The following CSMD2 variants were observed in gnomAD, a reference collection of about 807,000 sequenced individuals.
CSMD2 encodes CUB and sushi domain-containing protein 2.
In CSMD2, 130 loss-of-function variants were observed where a neutral mutation model predicts 398.5. The observed-to-expected ratio is 0.33, with a 90% CI of 0.28 to 0.38. CSMD2 has a LOEUF of 0.38. Among genes scored for constraint, CSMD2 ranks in the 10% least tolerant of loss-of-function variants. The pLI is 1.00. For missense variants in CSMD2, 3,829 were observed against 4,764.9 expected, an observed-to-expected ratio of 0.80 and a Z score of 5.78; for synonymous variants, 1,828 against 1,908.5, an observed-to-expected ratio of 0.96 and a Z score of 1.10.
intron 5 of CSMD2, among the ~76,000 whole-genome samples, chr1:33,886,754 A>G (rs1437555525): frequency 6.6e-6 from 1 of 152,376 alleles, no homozygotes; most frequent in African/African-American, 2.4e-5. Context: ...GCTAAGGGAC[A>G]GAAGTCATTC....
chr1:33,554,470 C>T (rs557458691), intron 55 of CSMD2, among the ~76,000 whole-genome samples: 22 of 152,108 alleles, frequency 1.4e-4, no homozygotes, highest in Non-Finnish European at 2.2e-4. Flanking sequence ...TGGGATTACA[C>T]GCATGAGCCA....
At chr1:33,952,387 C>T (rs1401564665) in intron 3 of CSMD2, among the ~76,000 whole-genome samples, 1 of 152,184 alleles carries the variant, frequency 6.6e-6, no homozygotes, top group East Asian at 1.9e-4. Flanking sequence ...TGCCCCAGGG[C>T]CTTTACACAA....
chr1:33,605,741 T>C, intron 41 of CSMD2: 1 of 840,414 alleles, frequency 1.2e-6, no homozygotes, highest in South Asian at 1.6e-5. Flanking sequence ...TATCTATTAT[T>C]AGTAATTCCG....
At chr1:33,672,801 C>T (rs1242489801) in intron 25 of CSMD2, among the ~76,000 whole-genome samples, 1 of 152,216 alleles carries the variant, frequency 6.6e-6, no homozygotes. Context: ...ATTTGCAGTT[C>T]ACCAATATCT....
chr1:33,849,594 T>C (rs979265892), intron 5 of CSMD2, among the ~76,000 whole-genome samples: 1 of 152,062 alleles, frequency 6.6e-6, no homozygotes, highest in African/African-American at 2.4e-5. Context: ...TTAGATGAGA[T>C]GTACACATTG....
rs1172076316 is a variant in CSMD2, at chr1:33,864,406, A to T, written c.921-17410T>A. 9 of 1,613,330 alleles carry T rather than the reference A, an allele frequency of 5.6e-6. No homozygotes were observed. In the African/African-American group the frequency reaches 9.3e-5, roughly 17 times the overall value. ...GCCAAACTCGACAAAGCCCGATACC[A>T]GGAAGAAATGATGAATTATGTTGGC... On this transcript the variant is annotated intron_variant, in intron 5 of 70. Coordinates refer to ENST00000373381, the MANE Select transcript of CSMD2 (RefSeq NM_001281956.2).
At chr1:33,753,190 A>T (rs1648498847) in intron 13 of CSMD2, among the ~76,000 whole-genome samples, 1 of 152,252 alleles carries the variant, frequency 6.6e-6, no homozygotes, top group South Asian at 2.1e-4. Context: ...GCTAACATCC[A>T]AGACAATGGA....
intron 3 of CSMD2, among the ~76,000 whole-genome samples, chr1:34,000,002 GACA>G (rs1414140576): frequency 6.6e-6 from 1 of 152,002 alleles, no homozygotes; most frequent in Admixed American, 6.6e-5. Flanking sequence ...GAAATCCACT[GACA>G]ACAAGAACAA....
At chr1:33,874,606 A>G (rs1159879444) in intron 5 of CSMD2, among the ~76,000 whole-genome samples, 1 of 152,144 alleles carries the variant, frequency 6.6e-6, no homozygotes, top group Non-Finnish European at 1.5e-5. Flanking sequence ...CATGTTACCT[A>G]GCTTGGTATT....
chr1:33,714,398 A>G (rs1646093052), intron 21 of CSMD2, among the ~76,000 whole-genome samples, 189 bp downstream of exon 21: 1 of 152,248 alleles, frequency 6.6e-6, no homozygotes, highest in South Asian at 2.1e-4. Context: ...TGCCATCCCT[A>G]TTTTGCAGAT....
Position 33,584,154 on chromosome 1 carries a change from A to G in CSMD2, c.7052-324T>C, listed in dbSNP as rs566338077. On this transcript the variant is annotated intron_variant, in intron 46 of 70. Transcript: ENST00000373381. ...CAACAGTAAGGCTTCCCCAGATCCA[A>G]AGGAGATAATCTATAAAATGGGTTT... is the stretch of plus-strand genomic sequence containing the variant. Among the ~76,000 whole-genome samples, 3 of 152,364 alleles carry G rather than the reference A, an allele frequency of 2.0e-5. No homozygotes were observed. In the South Asian group the frequency reaches 6.2e-4, roughly 32 times the overall value.
chr1:33,662,932 C>A lies in CSMD2; in HGVS notation c.4213G>T (p.Asp1405Tyr). ...FNSVVLQFST[D>Y]FFTSKQGFAI... Reference sequence around the variant, plus strand: ...AAGCCCTGCTTGCTGGTGAAGAAGTCAGTGCTGAACTGCAGGACGACCGAG... The same window carrying A: ...AAGCCCTGCTTGCTGGTGAAGAAGTAAGTGCTGAACTGCAGGACGACCGAG... Residue 1405 changes from aspartate to tyrosine, a missense_variant, in exon 26 of 71, where the codon GAC (aspartate) becomes TAC (tyrosine). By Grantham distance (160) the Asp-to-Tyr change is radical (BLOSUM62 -3). Transcript: ENST00000373381. 1 of 1,614,174 alleles carries A rather than the reference C, an allele frequency of 6.2e-7. No individual in the cohort carries two copies. The highest frequency in any genetic ancestry group is 1.1e-5 in the South Asian group (1 of 91,066).
At chr1:34,002,001 T>C (rs1482364607) in intron 3 of CSMD2, among the ~76,000 whole-genome samples, 1 of 152,258 alleles carries the variant, frequency 6.6e-6, no homozygotes. Flanking sequence ...TAATGTCTAA[T>C]GATCTGAAGT....
intron 15 of CSMD2, among the ~76,000 whole-genome samples, chr1:33,735,288 T>C (rs1646849654): frequency 6.6e-6 from 1 of 152,164 alleles, no homozygotes; most frequent in Non-Finnish European, 1.5e-5. Flanking sequence ...AATAACGACA[T>C]CTATTTCCTA....
At chr1:33,926,453 C>T (rs886103558) in intron 4 of CSMD2, among the ~76,000 whole-genome samples, 1 of 152,162 alleles carries the variant, frequency 6.6e-6, no homozygotes, top group Non-Finnish European at 1.5e-5. Flanking sequence ...ATCCTCTGGC[C>T]AGAGCTACCA....
At chr1:34,014,140 C>T (rs1168324642) in intron 3 of CSMD2, among the ~76,000 whole-genome samples, 1 of 152,254 alleles carries the variant, frequency 6.6e-6, no homozygotes, top group Non-Finnish European at 1.5e-5. Flanking sequence ...CCACTTCTCT[C>T]CGCCTTCACC....
At chr1:33,675,214 A>G (rs1175898120) in intron 25 of CSMD2, among the ~76,000 whole-genome samples, 3 of 152,174 alleles carry the variant, frequency 2.0e-5, no homozygotes, top group Non-Finnish European at 4.4e-5. Flanking sequence ...ACTGCTAGCA[A>G]GACTAATAAA....
At chr1:33,668,152 C>T (rs558336326) in intron 25 of CSMD2, among the ~76,000 whole-genome samples, 1 of 152,176 alleles carries the variant, frequency 6.6e-6, no homozygotes, top group Non-Finnish European at 1.5e-5. Context: ...AGAGCATGTG[C>T]AAAGGTCACA....
intron 12 of CSMD2, among the ~76,000 whole-genome samples, chr1:33,774,186 T>G (rs1037524923): frequency 6.6e-6 from 1 of 151,846 alleles, no homozygotes; most frequent in Non-Finnish European, 1.5e-5. Flanking sequence ...CTCCCCTTTG[T>G]GCAGGGGAGT....
Sources: gnomAD v4.1 joint callset for allele counts (sites outside exome capture counted in the v4.1 genomes callset) on GRCh38, gnomAD v4.1.1 for gene constraint, MANE v1.5 for transcripts, NCBI Gene and HGNC (gene_info 2026-07-23, HGNC 2026-07-21) for gene names.